MROH2B: variants seen among roughly 807,000 people sequenced by gnomAD.
MROH2B encodes maestro heat like repeat family member 2B, also known as maestro heat-like repeat-containing protein family member 2B.
A neutral mutation model predicts 208.6 loss-of-function variants in MROH2B; 177 were observed. The ratio of observed to expected loss-of-function variants is 0.85; its 90% CI spans 0.75 to 0.96. MROH2B has a LOEUF of 0.96. Ranked by LOEUF, MROH2B falls within the 40% of genes least tolerant of loss-of-function variation. MROH2B has a pLI of 0.00. For missense variants in MROH2B, 2,002 were observed against 1,878.7 expected (o/e 1.07, Z -1.21); for synonymous variants, 728 against 659.0 (o/e 1.10, Z -1.60).
At chr5:41,065,238 A>C in intron 4 of MROH2B, 93 bp downstream of exon 4, 5 of 1,236,724 alleles carry the variant, frequency 4.0e-6, no homozygotes, top group Non-Finnish European at 5.5e-6. Context: ...GAAGGCAGAG[A>C]TGCTATCTCT....
chr5:41,044,597 T>C (rs1743060417), intron 18 of MROH2B, among the ~76,000 whole-genome samples: 1 of 152,060 alleles, frequency 6.6e-6, no homozygotes, highest in Non-Finnish European at 1.5e-5. Flanking sequence ...CAGAGCTAGT[T>C]TGTGTTATAA....
At chr5:41,025,560 A>G (rs900968576) in intron 24 of MROH2B, among the ~76,000 whole-genome samples, 2 of 152,200 alleles carry the variant, frequency 1.3e-5, no homozygotes, top group African/African-American at 4.8e-5. Context: ...ACCAACCAAA[A>G]AAAGTCCAGG....
intron 28 of MROH2B, among the ~76,000 whole-genome samples, chr5:41,016,259 G>C (rs1741945162): frequency 6.6e-6 from 1 of 152,062 alleles, no homozygotes; most frequent in African/African-American, 2.4e-5. Flanking sequence ...GTGTCTAGTA[G>C]GTGTTTTAGT....
intron 18 of MROH2B, among the ~76,000 whole-genome samples, chr5:41,045,276 A>C (rs1299514051): frequency 6.6e-6 from 1 of 152,224 alleles, no homozygotes; most frequent in Non-Finnish European, 1.5e-5. Flanking sequence ...ACTGGAAATA[A>C]AAACCTATTT....
At chr5:41,033,311 G>T (rs1742639347) in intron 22 of MROH2B, among the ~76,000 whole-genome samples, 151 bp from the exon 23 acceptor site, 1 of 152,028 alleles carries the variant, frequency 6.6e-6, no homozygotes, top group African/African-American at 2.4e-5. Flanking sequence ...GGTCTAAGTT[G>T]CAGGGAAAGT....
At chr5:41,017,108 T>C (rs554625175) in intron 28 of MROH2B, among the ~76,000 whole-genome samples, 1 of 152,322 alleles carries the variant, frequency 6.6e-6, no homozygotes, top group South Asian at 2.1e-4. Context: ...TAGGCAGGCA[T>C]AAGGTGGCAT....
At chr5:41,045,312 G>A (rs1743082217) in intron 18 of MROH2B, among the ~76,000 whole-genome samples, 1 of 152,062 alleles carries the variant, frequency 6.6e-6, no homozygotes, top group African/African-American at 2.4e-5. Context: ...CCTAGAACTG[G>A]CTTTTGAGTA....
chr5:41,044,140 C>T (rs975519200), intron 18 of MROH2B, among the ~76,000 whole-genome samples: 7 of 150,850 alleles, frequency 4.6e-5, no homozygotes, highest in Admixed American at 1.3e-4. Context: ...GTCCCAGCTA[C>T]TCGGGAGGCT....
intron 28 of MROH2B, among the ~76,000 whole-genome samples, chr5:41,015,941 C>A (rs902846070): frequency 1.3e-5 from 2 of 152,220 alleles, no homozygotes; most frequent in African/African-American, 4.8e-5. Context: ...TTTACATCAG[C>A]AACTGTGTAA....
At chr5:41,021,602 G>T (rs553080437) in intron 24 of MROH2B, among the ~76,000 whole-genome samples, 1 of 152,310 alleles carries the variant, frequency 6.6e-6, no homozygotes, top group East Asian at 1.9e-4. Flanking sequence ...TATAGGCCAG[G>T]TATGGTGGTG....
At chr5:41,069,925 T>C (rs1270983567) in intron 1 of MROH2B, among the ~76,000 whole-genome samples, 173 bp from the exon 2 acceptor site, 1 of 152,162 alleles carries the variant, frequency 6.6e-6, no homozygotes, top group Non-Finnish European at 1.5e-5. Flanking sequence ...ATGACATAAA[T>C]GAAACTAGCA....
chr5:41,038,226 C>T (rs369179975), intron 21 of MROH2B, among the ~76,000 whole-genome samples: 5 of 152,216 alleles, frequency 3.3e-5, no homozygotes, highest in African/African-American at 1.2e-4. Context: ...TAAAGAACTA[C>T]CATGGGCTAA....
At chr5:41,000,937 G>T in intron 37 of MROH2B, 104 bp from the exon 38 acceptor site, 1 of 1,310,964 alleles carries the variant, frequency 7.6e-7, no homozygotes, top group Non-Finnish European at 1.0e-6. Flanking sequence ...GCAAAAGAAG[G>T]CTGGAACCCA....
chr5:41,043,386 A>G (rs1399296632), intron 18 of MROH2B, among the ~76,000 whole-genome samples: 2 of 152,196 alleles, frequency 1.3e-5, no homozygotes, highest in Non-Finnish European at 2.9e-5. Context: ...AGAAGTAAAT[A>G]CGAATTGGGG....
chr5:41,067,039 T>C, intron 3 of MROH2B, 69 bp downstream of exon 3: 2 of 826,516 alleles, frequency 2.4e-6, no homozygotes, highest in Admixed American at 4.0e-5. Context: ...GTAGAAGAGC[T>C]TACTGATGTC....
At chr5:41,003,398 C>T (rs769926798) in intron 37 of MROH2B, among the ~76,000 whole-genome samples, 1 of 152,062 alleles carries the variant, frequency 6.6e-6, no homozygotes, top group Non-Finnish European at 1.5e-5. Context: ...GCATATATTA[C>T]AGACTAAAAT....
chr5:41,031,710 A>G (rs1277621728), intron 24 of MROH2B, among the ~76,000 whole-genome samples: 2 of 152,006 alleles, frequency 1.3e-5, no homozygotes, highest in Non-Finnish European at 2.9e-5. Context: ...AACCAGATAG[A>G]TAGTTTTTAA....
At chr5:41,045,155 A>G (rs1743077584) in intron 18 of MROH2B, among the ~76,000 whole-genome samples, 1 of 152,214 alleles carries the variant, frequency 6.6e-6, no homozygotes, top group African/African-American at 2.4e-5. Flanking sequence ...CTTTAAAAAC[A>G]TGGAAAGGAA....
intron 24 of MROH2B, among the ~76,000 whole-genome samples, chr5:41,023,818 G>A (rs1470601455): frequency 1.3e-5 from 2 of 152,210 alleles, no homozygotes; most frequent in Non-Finnish European, 2.9e-5. Flanking sequence ...AAGCCCATCA[G>A]ACTAACAGCG....
Sources: allele counts gnomAD v4.1 joint callset (sites outside exome capture counted in the v4.1 genomes callset), GRCh38; gene constraint gnomAD v4.1.1; transcripts MANE v1.5; gene names NCBI Gene and HGNC (gene_info 2026-07-23, HGNC 2026-07-21).